The following ROCK1 variants were observed in gnomAD, a reference collection of about 807,000 sequenced individuals.
The protein encoded by ROCK1 is Rho associated coiled-coil containing protein kinase 1, also known as rho-associated protein kinase 1.
In ROCK1, 36 loss-of-function variants were observed where a neutral mutation model predicts 196.8. The observed-to-expected ratio is 0.18, with a 90% CI of 0.14 to 0.24. ROCK1 has a LOEUF of 0.24. ROCK1 is among the 10% of genes least tolerant of loss of function. The pLI is 1.00. For synonymous variants in ROCK1, 443 were observed against 515.9 expected, an observed-to-expected ratio of 0.86 and a Z score of 1.91; for missense variants, 920 against 1,562.0, an observed-to-expected ratio of 0.59 and a Z score of 6.93.
intron 21 of ROCK1, 128 bp from the exon 22 acceptor site, chr18:20,980,132 A>T: frequency 2.6e-6 from 3 of 1,151,620 alleles, no homozygotes; most frequent in Non-Finnish European, 3.4e-6. Flanking sequence ...ACCCATGACA[A>T]ATGCAAATAT....
intron 17 of ROCK1, 63 bp downstream of exon 17, chr18:20,992,768 T>C: frequency 1.1e-6 from 1 of 948,246 alleles, no homozygotes; most frequent in Non-Finnish European, 1.6e-6. Flanking sequence ...TAAAACCACC[T>C]AGTAGTCTAT....
At chr18:21,056,821 TTGA>T (rs2036248522) in intron 2 of ROCK1, among the ~76,000 whole-genome samples, 1 of 152,202 alleles carries the variant, frequency 6.6e-6, no homozygotes, top group African/African-American at 2.4e-5. Context: ...ACTGGCTTCC[TTGA>T]TGTTCTTCAA....
chr18:21,037,319 C>T (rs2036066148), intron 9 of ROCK1, among the ~76,000 whole-genome samples: 1 of 152,016 alleles, frequency 6.6e-6, no homozygotes, highest in African/African-American at 2.4e-5. Context: ...AGATTAATTG[C>T]CATTGCAATG....
At chr18:20,955,407 C>T (rs2035232168) in intron 29 of ROCK1, 162 bp from the exon 30 acceptor site, 2 of 904,286 alleles carry the variant, frequency 2.2e-6, no homozygotes. Flanking sequence ...TGTCACTACA[C>T]ATCTATCAGA....
intron 9 of ROCK1, among the ~76,000 whole-genome samples, chr18:21,031,073 A>G (rs2036001938): frequency 6.6e-6 from 1 of 152,244 alleles, no homozygotes; most frequent in Non-Finnish European, 1.5e-5. Flanking sequence ...CAGATTTTGC[A>G]AAATTAGTTT....
At chr18:21,086,797 T>C (rs972400827) in intron 1 of ROCK1, among the ~76,000 whole-genome samples, 8 of 149,472 alleles carry the variant, frequency 5.4e-5, no homozygotes, top group African/African-American at 1.7e-4. Flanking sequence ...TCTCAGATGA[T>C]GAAAAACCAA....
At chr18:20,960,717 T>C (rs1363525824) in intron 27 of ROCK1, 1 of 152,158 alleles carries the variant, frequency 6.6e-6, no homozygotes, top group Non-Finnish European at 1.5e-5. Flanking sequence ...ATCAACTAGA[T>C]ATAAAGAATA....
Position 20,951,094 on chromosome 18 carries a change from T to C in ROCK1, c.*290A>G. On this transcript the variant is annotated 3_prime_UTR_variant, in exon 33 of 33. Transcript: ENST00000399799. ...CTATCACGACTGACAGGCATTTTCT[T>C]ATAAATCCAAAAAGGCAGCACCTTT... The C allele has an allele frequency of 3.4e-6, 1 of 297,012 alleles. No individual in the cohort carries two copies. The highest frequency in any genetic ancestry group is 6.2e-6 in the Non-Finnish European group (1 of 160,526). 18.4% of individuals were successfully genotyped at this position (297,012 alleles called of 1,614,324 possible). A position where few individuals can be genotyped will look rare whatever the true frequency, so the allele number is the denominator to read the frequency against.
In ROCK1 at chr18:20,968,845, T is replaced by G. The variant is rs775979482; in HGVS notation, c.2930A>C (p.Lys977Thr). 5 of 1,597,598 alleles carry G rather than the reference T, an allele frequency of 3.1e-6. No individual in the cohort carries two copies. The Admixed American group carries it at 8.3e-5, about 27-fold the overall frequency. ...CTTAAGATTACTGATCTCCTCCTCCTTCTCCAGTTTATATTCTGTCAACAA... is the reference window on the plus strand; with the variant it reads ...CTTAAGATTACTGATCTCCTCCTCCGTCTCCAGTTTATATTCTGTCAACAA... ...KKAEEEYKLE[K>T]EEEISNLKAA... Residue 977 changes from lysine (K) to threonine (T), a missense_variant, in exon 25 of 33, where the codon AAG (lysine) becomes ACG (threonine). Transcript: ENST00000399799.
intron 22 of ROCK1, among the ~76,000 whole-genome samples, chr18:20,976,657 A>G (rs1163368221): frequency 6.6e-6 from 1 of 152,196 alleles, no homozygotes; most frequent in Admixed American, 6.5e-5. Context: ...GAGATACACA[A>G]TCACCTTAAC....
At chr18:21,080,334 G>A (rs764798570) in intron 1 of ROCK1, among the ~76,000 whole-genome samples, 5 of 152,038 alleles carry the variant, frequency 3.3e-5, no homozygotes, top group Non-Finnish European at 7.4e-5. Context: ...ACTTGATAAA[G>A]ACATTAAAAA....
At chr18:21,043,326 A>G (rs2036124200) in intron 6 of ROCK1, among the ~76,000 whole-genome samples, 2 of 152,038 alleles carry the variant, frequency 1.3e-5, no homozygotes, top group Admixed American at 1.3e-4. Flanking sequence ...TGTGAATTTT[A>G]ACTGCCCTCC....
chr18:20,965,823 T>C (rs998749966), intron 27 of ROCK1, among the ~76,000 whole-genome samples: 5 of 152,154 alleles, frequency 3.3e-5, no homozygotes, highest in African/African-American at 1.2e-4. Flanking sequence ...CATTCCCAGA[T>C]ACCTGATTTT....
chr18:20,994,318 T>A (rs2035652163), intron 16 of ROCK1, among the ~76,000 whole-genome samples: 1 of 152,178 alleles, frequency 6.6e-6, no homozygotes, highest in Admixed American at 6.5e-5. Flanking sequence ...AAATTATAAT[T>A]TAAAAAATAA....
rs773557041 is a variant in ROCK1, at chr18:21,111,090, G to C, written c.-180C>G. 2 of 600,378 alleles carry C rather than the reference G, an allele frequency of 3.3e-6. No individual in the cohort carries two copies. The highest frequency in any genetic ancestry group is 2.8e-5 in the East Asian group (1 of 35,474). The allele number at this position is 600,378 out of a possible 1,614,324, so 37.2% of individuals were successfully genotyped here. On this transcript the variant is annotated 5_prime_UTR_variant, in exon 1 of 33. Coordinates refer to ENST00000399799, the MANE Select transcript of ROCK1 (RefSeq NM_005406.3). The surrounding 1 kb of genome is among the most constrained non-coding windows in gnomAD (Gnocchi z 4.2). Reference sequence around the variant, plus strand: ...AGGGGACCTCCGCTCTCCAGACCCCGGGCCGGGGGCAACAGCGACCCACAG... The same window carrying C: ...AGGGGACCTCCGCTCTCCAGACCCCCGGCCGGGGGCAACAGCGACCCACAG...
Position 21,063,356 on chromosome 18 carries a change from T to C in ROCK1, c.175+7176A>G, listed in dbSNP as rs1302339707. ...AGAAGTACATGCTCAGAAGGTCAGA[T>C]CCATGAAGCCTAGATAACCAAGAGG... On this transcript the variant is annotated intron_variant, in intron 2 of 32. Coordinates refer to ENST00000399799, the MANE Select transcript of ROCK1 (RefSeq NM_005406.3). Among the ~76,000 whole-genome samples, 5 of 152,212 alleles carry C rather than the reference T, an allele frequency of 3.3e-5. No individual in the cohort carries two copies. In the South Asian group the frequency reaches 1.0e-3, roughly 32 times the overall value.
chr18:21,095,465 A>G (rs998699189), intron 1 of ROCK1, among the ~76,000 whole-genome samples: 2 of 152,230 alleles, frequency 1.3e-5, no homozygotes, highest in Admixed American at 6.5e-5. Flanking sequence ...CTAAGTGTCC[A>G]TGATCAATGG....
intron 14 of ROCK1, 72 bp downstream of exon 14, chr18:21,007,987 G>A: frequency 8.4e-7 from 1 of 1,190,642 alleles, no homozygotes; most frequent in Non-Finnish European, 1.2e-6. Flanking sequence ...ATGTATCATG[G>A]ACACTAAATT....
At position 21,040,893 on chromosome 18, in the gene ROCK1, C is replaced by A. The variant is rs567256578; in HGVS notation, c.959+1204G>T. On this transcript the variant is annotated intron_variant, in intron 8 of 32. Transcript: ENST00000399799. ...TAATCCCAGCACTTTGGGAGGCCAA[C>A]GCAGGCAGATCATGAGGTCAGGAGT... Among the ~76,000 whole-genome samples, 35 of 150,570 alleles carry A rather than the reference C, an allele frequency of 2.3e-4. 1 individual carries two copies. In the Middle Eastern group the frequency reaches 0.011, roughly 46 times the overall value.
Sources: allele counts gnomAD v4.1 joint callset (sites outside exome capture counted in the v4.1 genomes callset), GRCh38; gene constraint gnomAD v4.1.1; non-coding constraint Gnocchi (gnomAD v3.1); transcripts MANE v1.5; gene names NCBI Gene and HGNC (gene_info 2026-07-23, HGNC 2026-07-21).